Variants in KCNIP4 observed in about 807,000 individuals in gnomAD.
The protein encoded by KCNIP4 is Kv channel-interacting protein 4.
In KCNIP4, 12 loss-of-function variants were observed where a neutral mutation model predicts 34.0. That is an observed-to-expected ratio of 0.35 (90% confidence interval 0.23 to 0.57). The LOEUF is 0.57. Ranked by LOEUF, KCNIP4 falls within the 20% of genes least tolerant of loss-of-function variation. The pLI is 0.83. For synonymous variants in KCNIP4, 124 were observed against 102.2 expected (o/e 1.21, Z -1.29); for missense variants, 238 against 311.7 (o/e 0.76, Z 1.78).
intron 1 of KCNIP4, among the ~76,000 whole-genome samples, chr4:20,997,290 G>A (rs1298692559): frequency 6.6e-6 from 1 of 152,186 alleles, no homozygotes; most frequent in Non-Finnish European, 1.5e-5. Context: ...TATACCAGAT[G>A]TCCTATCAGT....
chr4:21,505,958 CA>C (rs1227615797), intron 1 of KCNIP4, among the ~76,000 whole-genome samples: 17 of 152,086 alleles, frequency 1.1e-4, no homozygotes, highest in Admixed American at 9.8e-4. Context: ...CAAAAATTAG[CA>C]GGGTGTGGTG....
chr4:21,371,497 G>A (rs1225648754), intron 1 of KCNIP4, among the ~76,000 whole-genome samples: 3 of 146,860 alleles, frequency 2.0e-5, no homozygotes, highest in Non-Finnish European at 4.4e-5. Flanking sequence ...ATCTCTGTGA[G>A]CTTGAGCATG....
intron 1 of KCNIP4, among the ~76,000 whole-genome samples, chr4:20,949,054 G>A (rs1335929575): frequency 6.6e-6 from 1 of 152,098 alleles, no homozygotes; most frequent in Admixed American, 6.5e-5. Context: ...ATTGGCAAGT[G>A]GCCGTGATTT....
intron 1 of KCNIP4, among the ~76,000 whole-genome samples, chr4:21,621,346 C>G (rs529081996): frequency 1.3e-5 from 2 of 152,242 alleles, no homozygotes; most frequent in East Asian, 3.9e-4. Flanking sequence ...GAAAATGTGT[C>G]ATAATTTTGC....
intron 1 of KCNIP4, among the ~76,000 whole-genome samples, chr4:21,584,678 C>A (rs1201567877): frequency 6.6e-6 from 1 of 152,050 alleles, no homozygotes; most frequent in Non-Finnish European, 1.5e-5. Flanking sequence ...CAAGACCATG[C>A]AACCAGTGAG....
intron 1 of KCNIP4, among the ~76,000 whole-genome samples, chr4:21,654,362 T>G (rs1258623074): frequency 6.6e-6 from 1 of 152,196 alleles, no homozygotes; most frequent in Non-Finnish European, 1.5e-5. Context: ...GAGGATGCAA[T>G]CTAAAGTGTA....
At chr4:21,588,366 C>T (rs1741817400) in intron 1 of KCNIP4, among the ~76,000 whole-genome samples, 1 of 151,906 alleles carries the variant, frequency 6.6e-6, no homozygotes, top group African/African-American at 2.4e-5. Flanking sequence ...ATCCCAATAA[C>T]TTATCCCTGA....
chr4:21,765,526 G>C (rs189511301), intron 1 of KCNIP4, among the ~76,000 whole-genome samples: 17 of 152,214 alleles, frequency 1.1e-4, no homozygotes, highest in Middle Eastern at 3.4e-3. Context: ...GTTTGAAAGA[G>C]AGGAATTGTT....
chr4:21,106,178 T>C (rs1162029028), intron 1 of KCNIP4, among the ~76,000 whole-genome samples: 4 of 151,310 alleles, frequency 2.6e-5, no homozygotes, highest in Admixed American at 6.6e-5. Flanking sequence ...ATGGTACCAG[T>C]TCCTCCTTGT....
intron 1 of KCNIP4, among the ~76,000 whole-genome samples, chr4:21,434,837 T>A (rs1485662328): frequency 6.7e-6 from 1 of 148,762 alleles, no homozygotes; most frequent in Non-Finnish European, 1.5e-5. Flanking sequence ...GGACCACCGA[T>A]AGAGAACTGA....
At chr4:21,354,901 A>G (rs1242084002) in intron 1 of KCNIP4, among the ~76,000 whole-genome samples, 3 of 152,180 alleles carry the variant, frequency 2.0e-5, no homozygotes, top group Non-Finnish European at 4.4e-5. Context: ...GTTGCAAGTA[A>G]AGCACTCCTC....
chr4:21,391,122 C>A (rs1219267397), intron 1 of KCNIP4, among the ~76,000 whole-genome samples: 1 of 151,918 alleles, frequency 6.6e-6, no homozygotes, highest in African/African-American at 2.4e-5. Flanking sequence ...CTTGGATAAA[C>A]CTCTATTGAA....
chr4:21,472,709 C>T (rs1022612980), intron 1 of KCNIP4, among the ~76,000 whole-genome samples: 7 of 152,086 alleles, frequency 4.6e-5, no homozygotes, highest in South Asian at 2.1e-4. Flanking sequence ...TTCAGGTTAT[C>T]GGTAAAATCT....
At chr4:21,073,544 A>G (rs972060260) in intron 1 of KCNIP4, among the ~76,000 whole-genome samples, 58 of 152,280 alleles carry the variant, frequency 3.8e-4, no homozygotes, top group African/African-American at 1.4e-3. Flanking sequence ...GGGCTGAGAC[A>G]ATGGGATTTT....
chr4:21,097,235 T>C (rs1435326613), intron 1 of KCNIP4, among the ~76,000 whole-genome samples: 5 of 152,096 alleles, frequency 3.3e-5, no homozygotes, highest in Admixed American at 2.6e-4. Context: ...AAATGTGTCA[T>C]AGCCATACAA....
intron 1 of KCNIP4, among the ~76,000 whole-genome samples, chr4:21,590,956 T>C (rs1358114140): frequency 1.3e-5 from 2 of 152,012 alleles, no homozygotes; most frequent in African/African-American, 4.8e-5. Flanking sequence ...ACTACGTCTA[T>C]GTATTAATAC....
intron 1 of KCNIP4, among the ~76,000 whole-genome samples, chr4:20,976,400 T>C (rs999449755): frequency 7.9e-5 from 12 of 152,232 alleles, no homozygotes; most frequent in African/African-American, 2.7e-4. Context: ...AAGGCACTTA[T>C]TGGCTCCTAT....
chr4:21,029,716 C>A (rs565602755), intron 1 of KCNIP4, among the ~76,000 whole-genome samples: 3 of 152,252 alleles, frequency 2.0e-5, no homozygotes, highest in South Asian at 4.1e-4. Flanking sequence ...CTGTCAGCAT[C>A]ATGTCTATTT....
intron 1 of KCNIP4, among the ~76,000 whole-genome samples, chr4:21,758,572 C>T (rs528895861): frequency 2.4e-4 from 36 of 152,144 alleles, no homozygotes; most frequent in Non-Finnish European, 5.0e-4. Flanking sequence ...ATACTTTGTT[C>T]TTTGTAACAA....
Sources: gnomAD v4.1 joint callset for allele counts (sites outside exome capture counted in the v4.1 genomes callset) on GRCh38, gnomAD v4.1.1 for gene constraint, MANE v1.5 for transcripts, NCBI Gene and HGNC (gene_info 2026-07-23, HGNC 2026-07-21) for gene names.